ATXN1: variants seen among roughly 807,000 people sequenced by gnomAD.
The protein encoded by ATXN1 is ataxin-1.
ATXN1 carries 8 observed loss-of-function variants against 56.4 expected under a neutral mutation model. The ratio of observed to expected loss-of-function variants is 0.14; its 90% CI spans 0.08 to 0.26. The LOEUF is 0.26. Ranked by LOEUF, ATXN1 falls within the 10% of genes least tolerant of loss-of-function variation. The pLI is 1.00. For missense variants in ATXN1, 987 were observed against 1,106.5 expected, an observed-to-expected ratio of 0.89 and a Z score of 1.53; for synonymous variants, 514 against 494.6, an observed-to-expected ratio of 1.04 and a Z score of -0.52.
chr6:16,538,280 T>C (rs575224639), intron 4 of ATXN1, among the ~76,000 whole-genome samples: 1 of 152,296 alleles, frequency 6.6e-6, no homozygotes, highest in Non-Finnish European at 1.5e-5. Flanking sequence ...ATATAAAATT[T>C]ACATAACAAA....
chr6:16,492,159 G>A (rs966895616), intron 5 of ATXN1, among the ~76,000 whole-genome samples: 3 of 152,038 alleles, frequency 2.0e-5, no homozygotes, highest in Admixed American at 2.0e-4. Flanking sequence ...AGCCATGCCT[G>A]GACTTCGCAC....
rs751421308 is a variant in ATXN1, at chr6:16,327,633, GTGCTGCTGCTGCTGCTGCTGCTGC to G, written c.654_677del (p.Gln218_Gln225del). On this transcript the variant is annotated inframe_deletion, in exon 7 of 8. Transcript: ENST00000436367. The stretch of plus-strand genomic sequence containing the variant: ...TGATGAGCCCCGGAGCCCTGCTGAG[GTGCTGCTGCTGCTGCTGCTGCTGC>G]TGCTGCTGCTGCTGCTGCTGATGCT... The G allele has an allele frequency of 4.7e-5, 68 of 1,451,576 alleles. No individual in the cohort carries two copies. Among genetic ancestry groups the G allele is most frequent in the Non-Finnish European group, 5.3e-5 (56 of 1,064,126 alleles). 89.9% of individuals were successfully genotyped at this position (1,451,576 alleles called of 1,614,324 possible).
chr6:16,355,990 A>C (rs1761677325), intron 6 of ATXN1, among the ~76,000 whole-genome samples: 1 of 152,180 alleles, frequency 6.6e-6, no homozygotes, highest in Non-Finnish European at 1.5e-5. Flanking sequence ...TGGGCATGCC[A>C]TTGGTTGGGC....
At chr6:16,510,034 A>T (rs1272094894) in intron 5 of ATXN1, among the ~76,000 whole-genome samples, 1 of 152,154 alleles carries the variant, frequency 6.6e-6, no homozygotes, top group Non-Finnish European at 1.5e-5. Flanking sequence ...TGATCTTCCC[A>T]ATCAGAAGTG....
At chr6:16,560,092 T>G (rs1762089288) in intron 4 of ATXN1, among the ~76,000 whole-genome samples, 1 of 152,208 alleles carries the variant, frequency 6.6e-6, no homozygotes, top group Non-Finnish European at 1.5e-5. Flanking sequence ...GAGAGGGGTT[T>G]GTTTAGATTT....
intron 1 of ATXN1, among the ~76,000 whole-genome samples, chr6:16,758,022 G>A (rs764451029): frequency 1.1e-4 from 16 of 151,936 alleles, no homozygotes; most frequent in Middle Eastern, 6.8e-3. Context: ...ATCGTTTCTC[G>A]CTTAGCTAAG....
intron 2 of ATXN1, among the ~76,000 whole-genome samples, chr6:16,741,325 T>C (rs1299203874): frequency 6.6e-6 from 1 of 152,160 alleles, no homozygotes; most frequent in Non-Finnish European, 1.5e-5. Context: ...TTAAAGGCTG[T>C]AGTTACTAAA....
chr6:16,749,874 G>C (rs557951683), intron 2 of ATXN1: 3 of 152,244 alleles, frequency 2.0e-5, no homozygotes, highest in Admixed American at 1.3e-4. Flanking sequence ...TTGACCTCTC[G>C]GCAGTTTTAT....
chr6:16,352,518 GCT>G (rs1761591914), intron 6 of ATXN1, among the ~76,000 whole-genome samples: 1 of 152,180 alleles, frequency 6.6e-6, no homozygotes, highest in African/African-American at 2.4e-5. Context: ...ATCACACGAG[GCT>G]CTGTCTGGTA....
intron 3 of ATXN1, among the ~76,000 whole-genome samples, chr6:16,593,817 A>C (rs996981580): frequency 6.8e-6 from 1 of 146,898 alleles, no homozygotes; most frequent in Non-Finnish European, 1.5e-5. Flanking sequence ...TGAAGCAAAA[A>C]ATTATATATA....
chr6:16,362,947 T>C (rs995360974), intron 6 of ATXN1, among the ~76,000 whole-genome samples: 1 of 152,226 alleles, frequency 6.6e-6, no homozygotes, highest in Non-Finnish European at 1.5e-5. Flanking sequence ...AGCACTCTTC[T>C]AGTTGCCATG....
At chr6:16,677,498 T>C (rs187351781) in intron 2 of ATXN1, among the ~76,000 whole-genome samples, 2 of 152,200 alleles carry the variant, frequency 1.3e-5, no homozygotes, top group African/African-American at 4.8e-5. Flanking sequence ...TCAGGAGTGG[T>C]TTCCAGTAGG....
At chr6:16,531,920 T>C (rs938392130) in intron 4 of ATXN1, among the ~76,000 whole-genome samples, 7 of 152,354 alleles carry the variant, frequency 4.6e-5, no homozygotes, top group South Asian at 2.1e-4. Context: ...GTTCTAAAAA[T>C]AGTATTTCTT....
At chr6:16,638,562 A>G (rs1179715838) in intron 3 of ATXN1, among the ~76,000 whole-genome samples, 8 of 152,150 alleles carry the variant, frequency 5.3e-5, no homozygotes, top group Non-Finnish European at 1.2e-4. Context: ...ACTAGCTTCC[A>G]GATAAAACCT....
At chr6:16,631,920 T>C (rs16878688) in intron 3 of ATXN1, among the ~76,000 whole-genome samples, 11,539 of 152,176 alleles carry the variant, frequency 0.076, 1,455 homozygotes, top group African/African-American at 0.26. Context: ...GGGCATGTGA[T>C]GTTAGAGCTG....
At chr6:16,355,452 C>T (rs1281344891) in intron 6 of ATXN1, among the ~76,000 whole-genome samples, 6 of 152,192 alleles carry the variant, frequency 3.9e-5, no homozygotes, top group East Asian at 1.9e-4. Context: ...AGAGCAGTGT[C>T]GACCCTGATG....
chr6:16,570,224 T>C (rs993192651), intron 4 of ATXN1, among the ~76,000 whole-genome samples: 5 of 152,220 alleles, frequency 3.3e-5, no homozygotes, highest in African/African-American at 4.8e-5. Flanking sequence ...GATTTTATAA[T>C]ACTTCAAGTT....
At chr6:16,572,028 T>C (rs1036561675) in intron 4 of ATXN1, among the ~76,000 whole-genome samples, 4 of 152,172 alleles carry the variant, frequency 2.6e-5, no homozygotes, top group African/African-American at 9.7e-5. Flanking sequence ...TAAGTCATGT[T>C]TTAGATATGC....
intron 2 of ATXN1, among the ~76,000 whole-genome samples, chr6:16,699,154 G>C (rs1759229910): frequency 6.6e-6 from 1 of 152,192 alleles, no homozygotes; most frequent in African/African-American, 2.4e-5. Flanking sequence ...GGGTTCAGTA[G>C]CTCCACGGCA....
Sources: gnomAD v4.1 joint callset for allele counts (sites outside exome capture counted in the v4.1 genomes callset) on GRCh38, gnomAD v4.1.1 for gene constraint, MANE v1.5 for transcripts, NCBI Gene and HGNC (gene_info 2026-07-23, HGNC 2026-07-21) for gene names.